The following RALYL variants were observed in gnomAD, a reference collection of about 807,000 sequenced individuals.
RALYL encodes RALY RNA binding protein like, also known as RNA-binding Raly-like protein.
A neutral mutation model predicts 35.1 loss-of-function variants in RALYL; 29 were observed. That is an observed-to-expected ratio of 0.83 (90% confidence interval 0.61 to 1.13). RALYL has a LOEUF of 1.13. Ranked by LOEUF, RALYL falls within the 50% of genes most tolerant of loss-of-function variation. The pLI, the probability that RALYL is intolerant of heterozygous loss-of-function variation, is 0.00. For synonymous variants in RALYL, 120 were observed against 127.6 expected (o/e 0.94, Z 0.40); for missense variants, 359 against 360.4 (o/e 1.00, Z 0.03).
intron 6 of RALYL, among the ~76,000 whole-genome samples, chr8:84,863,137 C>T (rs1412061948): frequency 1.3e-5 from 2 of 152,032 alleles, no homozygotes; most frequent in Admixed American, 6.6e-5. Context: ...CTTGAGATTG[C>T]CTTTTATCAG....
At chr8:84,896,172 C>T (rs1844717062) in intron 8 of RALYL, among the ~76,000 whole-genome samples, 1 of 152,166 alleles carries the variant, frequency 6.6e-6, no homozygotes, top group Non-Finnish European at 1.5e-5. Flanking sequence ...AGGTGCAGGA[C>T]CCACAAGGTG....
intron 2 of RALYL, among the ~76,000 whole-genome samples, chr8:84,622,484 CAG>C: frequency 6.6e-6 from 1 of 152,114 alleles, no homozygotes; most frequent in Non-Finnish European, 1.5e-5. Flanking sequence ...GCAGATTTTA[CAG>C]AGAGTGGCAT....
chr8:84,362,095 TG>T (rs1020093157), intron 1 of RALYL, among the ~76,000 whole-genome samples: 5 of 152,158 alleles, frequency 3.3e-5, no homozygotes, highest in African/African-American at 1.2e-4. Context: ...GACTTTTCAG[TG>T]GGTAGTGGAG....
At chr8:84,358,708 G>A (rs1372321952) in intron 1 of RALYL, among the ~76,000 whole-genome samples, 1 of 152,046 alleles carries the variant, frequency 6.6e-6, no homozygotes, top group Non-Finnish European at 1.5e-5. Context: ...CTGCACTGGT[G>A]AAACTGTGTT....
chr8:84,185,543 G>T (rs1898465), intron 1 of RALYL, among the ~76,000 whole-genome samples: 10,693 of 152,146 alleles, frequency 0.07, 794 homozygotes, highest in African/African-American at 0.19. Flanking sequence ...GAATCTGCTG[G>T]AAATTTTTCT....
chr8:84,534,765 G>A (rs1174959929), intron 2 of RALYL, among the ~76,000 whole-genome samples: 6 of 152,154 alleles, frequency 3.9e-5, no homozygotes, highest in African/African-American at 1.2e-4. Flanking sequence ...AAAGTGAGGC[G>A]ATATAGTTGG....
chr8:84,415,205 G>GTTTTTTTTTTTT (rs33962115), intron 1 of RALYL, among the ~76,000 whole-genome samples: 1 of 54,672 alleles, frequency 1.8e-5, no homozygotes, highest in African/African-American at 5.2e-5. Context: ...GCAGACACTC[G>GTTTTTTTTTTTT]TTTTTTTTTT....
intron 2 of RALYL, among the ~76,000 whole-genome samples, chr8:84,573,597 G>A (rs558997683): frequency 7.2e-4 from 110 of 151,870 alleles, no homozygotes; most frequent in Non-Finnish European, 1.4e-3. Flanking sequence ...TTGTTTCATA[G>A]AATATGGAAT....
intron 1 of RALYL, among the ~76,000 whole-genome samples, chr8:84,275,321 A>G (rs1835148683): frequency 1.3e-5 from 2 of 152,120 alleles, no homozygotes; most frequent in African/African-American, 4.8e-5. Flanking sequence ...CTGCACTGAG[A>G]AGTAGGAATT....
At chr8:84,437,737 A>G (rs2047895964) in intron 1 of RALYL, among the ~76,000 whole-genome samples, 1 of 152,116 alleles carries the variant, frequency 6.6e-6, no homozygotes, top group Non-Finnish European at 1.5e-5. Context: ...TGCTGTCTTC[A>G]TGATAGTGAG....
chr8:84,508,871 C>T (rs899013477), intron 1 of RALYL, among the ~76,000 whole-genome samples: 1 of 151,672 alleles, frequency 6.6e-6, no homozygotes. Context: ...TTCAAAAAGT[C>T]GTGTATATTT....
chr8:84,785,417 G>A (rs1819199426), intron 3 of RALYL, among the ~76,000 whole-genome samples: 1 of 152,094 alleles, frequency 6.6e-6, no homozygotes, highest in African/African-American at 2.4e-5. Context: ...TGAAGGAGTT[G>A]AATTAAAACA....
chr8:84,797,313 A>G (rs536767921), intron 3 of RALYL, among the ~76,000 whole-genome samples: 1 of 152,340 alleles, frequency 6.6e-6, no homozygotes, highest in African/African-American at 2.4e-5. Flanking sequence ...CACAATGGCA[A>G]TTAAACTTCA....
intron 1 of RALYL, among the ~76,000 whole-genome samples, chr8:84,366,316 T>C (rs867991016): frequency 1.3e-5 from 2 of 152,194 alleles, no homozygotes; most frequent in Non-Finnish European, 2.9e-5. Context: ...AGTTTTTAAA[T>C]GTGCAAAACA....
At chr8:84,286,394 A>C (rs898593859) in intron 1 of RALYL, among the ~76,000 whole-genome samples, 2 of 152,200 alleles carry the variant, frequency 1.3e-5, no homozygotes, top group Non-Finnish European at 2.9e-5. Context: ...AGAGAATGTT[A>C]GGGAGTGGAG....
intron 1 of RALYL, among the ~76,000 whole-genome samples, chr8:84,322,692 T>C (rs1416388524): frequency 6.6e-6 from 1 of 152,112 alleles, no homozygotes; most frequent in Middle Eastern, 3.2e-3. Flanking sequence ...AACTGATTCA[T>C]TCATGAGTAA....
At chr8:84,199,597 A>C (rs1816325386) in intron 1 of RALYL, among the ~76,000 whole-genome samples, 1 of 152,132 alleles carries the variant, frequency 6.6e-6, no homozygotes, top group South Asian at 2.1e-4. Flanking sequence ...GAGTTTCCCC[A>C]ATACTTTGTT....
chr8:84,757,398 G>A (rs532511983), intron 2 of RALYL, among the ~76,000 whole-genome samples: 5 of 152,156 alleles, frequency 3.3e-5, no homozygotes, highest in African/African-American at 7.2e-5. Context: ...GCAACATTTC[G>A]GTACAGACAT....
At chr8:84,735,572 A>G (rs73298153) in intron 2 of RALYL, among the ~76,000 whole-genome samples, 40,769 of 151,656 alleles carry the variant, frequency 0.27, 5,828 homozygotes, top group African/African-American at 0.34. Context: ...GTCCTAACCT[A>G]GTTTTAGACA....
Sources: allele counts gnomAD v4.1 joint callset (sites outside exome capture counted in the v4.1 genomes callset), GRCh38; gene constraint gnomAD v4.1.1; transcripts MANE v1.5; gene names NCBI Gene and HGNC (gene_info 2026-07-23, HGNC 2026-07-21).